Variants in TTC3 observed in about 807,000 individuals in gnomAD.
The protein encoded by TTC3 is tetratricopeptide repeat domain 3.
Under a neutral mutation model 249.6 loss-of-function variants are expected in TTC3, and 180 were observed. The ratio of observed to expected loss-of-function variants is 0.72; its 90% CI spans 0.64 to 0.82. The LOEUF is 0.82. TTC3 is among the 40% of genes least tolerant of loss of function. TTC3 has a pLI of 0.00. For synonymous variants in TTC3, 717 were observed against 805.0 expected, an observed-to-expected ratio of 0.89 and a Z score of 1.85; for missense variants, 2,061 against 2,398.4, an observed-to-expected ratio of 0.86 and a Z score of 2.94.
chr21:37,200,063 A>T (rs2085336824), intron 44 of TTC3, among the ~76,000 whole-genome samples, 169 bp from the exon 45 acceptor site: 1 of 152,188 alleles, frequency 6.6e-6, no homozygotes, highest in African/African-American at 2.4e-5. Flanking sequence ...TTTTTTCTTA[A>T]GAAATGCTAT....
At chr21:37,175,385 T>G (rs1483096903) in intron 35 of TTC3, among the ~76,000 whole-genome samples, 1 of 150,526 alleles carries the variant, frequency 6.6e-6, no homozygotes, top group Non-Finnish European at 1.5e-5. Context: ...TCACCTGAGG[T>G]CAGGAGTTGG....
chr21:37,171,716 A>G (rs2081811263), intron 34 of TTC3, among the ~76,000 whole-genome samples: 1 of 152,216 alleles, frequency 6.6e-6, no homozygotes, highest in Non-Finnish European at 1.5e-5. Context: ...TTTCGGTCTG[A>G]GCAGACAAAG....
chr21:37,091,287 A>G lies in TTC3; in HGVS notation c.481-6A>G, dbSNP rs1169383240. On this transcript the variant is annotated splice_polypyrimidine_tract_variant and splice_region_variant and intron_variant, in intron 6 of 45. Transcript: ENST00000355666. ...AGCCCCATTCTTCATTTCTCTTTTGAAACAGAAAATCTTGGCAATGGAAGA... is the reference window on the plus strand; with the variant it reads ...AGCCCCATTCTTCATTTCTCTTTTGGAACAGAAAATCTTGGCAATGGAAGA... The G allele has an allele frequency of 1.9e-6, 3 of 1,606,830 alleles. No individual in the cohort carries two copies. Among genetic ancestry groups the G allele is most frequent in the Non-Finnish European group, 2.5e-6 (3 of 1,177,980 alleles).
chr21:37,188,650 C>T, intron 39 of TTC3, 55 bp downstream of exon 39: 2 of 1,363,646 alleles, frequency 1.5e-6, no homozygotes, highest in South Asian at 2.5e-5. Flanking sequence ...AAAGCTAGGA[C>T]CATTTGAGAA....
intron 28 of TTC3, chr21:37,158,060 A>G: frequency 2.1e-6 from 2 of 940,218 alleles, no homozygotes; most frequent in Non-Finnish European, 1.3e-6. Context: ...TAAGGAGTGG[A>G]AAGCTTACTT....
chr21:37,164,359 G>C, intron 32 of TTC3, 144 bp downstream of exon 32: 1 of 726,530 alleles, frequency 1.4e-6, no homozygotes, highest in Non-Finnish European at 2.1e-6. Flanking sequence ...TTTTTTTTGA[G>C]ACAGAGTCTT....
rs141901782 is a variant in TTC3, at chr21:37,201,477, C to T, written c.5981C>T (p.Pro1994Leu). 16 of 1,613,864 alleles carry T rather than the reference C, an allele frequency of 9.9e-6. No individual in the cohort carries two copies. In the African/African-American group the frequency reaches 1.2e-4, roughly 12 times the overall value. Residue 1994 changes from proline to leucine, a missense_variant, in exon 46 of 46, where the codon CCG (proline) becomes CTG (leucine). Pro to Leu is a moderately conservative substitution (Grantham distance 98). Coordinates refer to ENST00000355666, the Ensembl canonical transcript of TTC3. The stretch of plus-strand genomic sequence containing the variant: ...TGGCTTAAAGGGCAGAGCGCTTGCC[C>T]GGCCTGCCAGGGTCGTGATCTCCTG...
intron 10 of TTC3, among the ~76,000 whole-genome samples, chr21:37,101,755 C>G (rs1433905317): frequency 2.6e-5 from 4 of 151,258 alleles, no homozygotes; most frequent in East Asian, 1.9e-4. Flanking sequence ...TAGGAACATA[C>G]TACATACACT....
At position 37,144,057 on chromosome 21, in the gene TTC3, C is replaced by T. The variant is rs534621146; in HGVS notation, c.1773-468C>T. On this transcript the variant is annotated intron_variant, in intron 20 of 45. Coordinates refer to ENST00000355666, the Ensembl canonical transcript of TTC3. ...GAATTGAACAATGAGAACACATGGA[C>T]ACAGGAAGGGGAACATCACACACTG... Among the ~76,000 whole-genome samples the T allele has an allele frequency of 4.5e-4, 68 of 151,374 alleles. 1 individual carries two copies. Among genetic ancestry groups the T allele is most frequent in the African/African-American group, 1.7e-3 (68 of 41,162 alleles).
intron 45 of TTC3, among the ~76,000 whole-genome samples, 157 bp downstream of exon 45, chr21:37,200,481 C>T (rs564329683): frequency 8.7e-4 from 133 of 152,334 alleles, no homozygotes; most frequent in African/African-American, 2.9e-3. Context: ...CCTCCCTGTC[C>T]TCACACCAGC....
intron 34 of TTC3, 122 bp from the exon 35 acceptor site, chr21:37,172,473 C>G: frequency 1.8e-6 from 2 of 1,106,402 alleles, no homozygotes; most frequent in Non-Finnish European, 2.5e-6. Flanking sequence ...TGTGACATTT[C>G]CCTTGTAAAT....
intron 25 of TTC3, among the ~76,000 whole-genome samples, chr21:37,151,677 C>T (rs2079480993): frequency 6.6e-6 from 1 of 152,168 alleles, no homozygotes; most frequent in African/African-American, 2.4e-5. Context: ...CTGTAGACTG[C>T]ATCCTTAGAC....
At chr21:37,153,412 C>A in intron 27 of TTC3, 135 bp downstream of exon 27, 1 of 881,846 alleles carries the variant, frequency 1.1e-6, no homozygotes, top group Non-Finnish European at 1.6e-6. Context: ...GTTAAGAATA[C>A]TTTTCCAGTC....
At chr21:37,134,767 G>A (rs76054901) in intron 17 of TTC3, among the ~76,000 whole-genome samples, 1 of 151,994 alleles carries the variant, frequency 6.6e-6, no homozygotes, top group Non-Finnish European at 1.5e-5. Flanking sequence ...TCACTTTAAG[G>A]GCACATGATA....
chr21:37,093,045 C>T (rs13050757), intron 7 of TTC3, among the ~76,000 whole-genome samples: 69,206 of 151,726 alleles, frequency 0.46, 16,298 homozygotes, highest in Non-Finnish European at 0.52. Context: ...TCTGAAATAC[C>T]CCAAAATTTG....
chr21:37,165,452 A>G, intron 32 of TTC3, 98 bp from the exon 33 acceptor site: 1 of 900,012 alleles, frequency 1.1e-6, no homozygotes, highest in Non-Finnish European at 1.7e-6. Flanking sequence ...GTGAAAAGTG[A>G]AACAGTGTTT....
At chr21:37,134,312 G>T (rs899733837) in intron 17 of TTC3, among the ~76,000 whole-genome samples, 3 of 152,236 alleles carry the variant, frequency 2.0e-5, no homozygotes, top group Non-Finnish European at 4.4e-5. Context: ...TTAGCTGGGT[G>T]TGGTGGCGTG....
chr21:37,149,595 A>G (rs1360100348), intron 23 of TTC3, among the ~76,000 whole-genome samples: 2 of 152,122 alleles, frequency 1.3e-5, no homozygotes, highest in Non-Finnish European at 2.9e-5. Context: ...TGCAACCCAA[A>G]TATCTTGTGG....
rs747761088 is a variant in TTC3, at chr21:37,087,219, C to G, written c.-11-28C>G. The G allele has an allele frequency of 5.0e-6, 8 of 1,603,374 alleles. No homozygotes were observed. The Admixed American group carries it at 1.4e-4, about 28-fold the overall frequency. ...TCTGTTATCTCAAATGATTTAATTA[C>G]TGACTTGAGTTTGTGTTGTCTCCTT... On this transcript the variant is annotated intron_variant, in intron 1 of 45. Transcript: ENST00000355666.
Sources: allele counts gnomAD v4.1 joint callset (sites outside exome capture counted in the v4.1 genomes callset), GRCh38; gene constraint gnomAD v4.1.1; transcripts MANE v1.5; gene names NCBI Gene and HGNC (gene_info 2026-07-23, HGNC 2026-07-21).